The following GPHN variants were observed in gnomAD, a reference collection of about 807,000 sequenced individuals.
GPHN encodes gephyrin.
Under a neutral mutation model 95.5 loss-of-function variants are expected in GPHN, and 17 were observed. The ratio of observed to expected loss-of-function variants is 0.18; its 90% CI spans 0.12 to 0.27. The LOEUF is 0.27. Among genes scored for constraint, GPHN ranks in the 10% least tolerant of loss-of-function variants. The pLI is 1.00. For synonymous variants in GPHN, 320 were observed against 322.5 expected, an observed-to-expected ratio of 0.99 and a Z score of 0.08; for missense variants, 660 against 978.1, an observed-to-expected ratio of 0.67 and a Z score of 4.34.
chr14:66,948,886 C>T (rs1392925894), intron 8 of GPHN, among the ~76,000 whole-genome samples: 1 of 152,194 alleles, frequency 6.6e-6, no homozygotes, highest in Non-Finnish European at 1.5e-5. Flanking sequence ...TATCCTCCAC[C>T]TCCTGGGCTC....
At chr14:67,053,360 C>G (rs2075401682) in intron 10 of GPHN, among the ~76,000 whole-genome samples, 1 of 151,928 alleles carries the variant, frequency 6.6e-6, no homozygotes, top group Admixed American at 6.6e-5. Flanking sequence ...ACTAGAAAAT[C>G]TAGAAGAAAT....
At chr14:67,674,125 T>C in the GPHN span, among the ~76,000 whole-genome samples, 1 of 152,206 alleles carries the variant, frequency 6.6e-6, no homozygotes, top group East Asian at 1.9e-4. Flanking sequence ...TCTGCTCTAT[T>C]TGCCACAGTG....
At chr14:66,564,108 A>C (rs1166568609) in intron 1 of GPHN, among the ~76,000 whole-genome samples, 15 of 152,092 alleles carry the variant, frequency 9.9e-5, no homozygotes, top group Admixed American at 9.8e-4. Flanking sequence ...TCTCTATGTA[A>C]ATGTGATTCC....
chr14:67,350,479 G>T, the GPHN span: 5 of 692,432 alleles, frequency 7.2e-6, no homozygotes, highest in Admixed American at 1.3e-4. Flanking sequence ...GGGGTTAAAA[G>T]AATTCTTTCT....
At chr14:67,544,741 AT>A in the GPHN span, among the ~76,000 whole-genome samples, 1 of 152,252 alleles carries the variant, frequency 6.6e-6, no homozygotes, top group African/African-American at 2.4e-5. Context: ...AAATGTATTA[AT>A]GGATAGATTA....
intron 2 of GPHN, among the ~76,000 whole-genome samples, chr14:66,693,795 A>G (rs2067943461): frequency 6.6e-6 from 1 of 152,218 alleles, no homozygotes; most frequent in South Asian, 2.1e-4. Context: ...AAAATTAATC[A>G]TCATAATAAG....
chr14:67,377,828 C>T, the GPHN span, among the ~76,000 whole-genome samples: 3 of 152,024 alleles, frequency 2.0e-5, no homozygotes, highest in Admixed American at 1.3e-4. Flanking sequence ...CCACACTTGG[C>T]TATGTGTGGT....
At chr14:67,422,885 A>G in the GPHN span, among the ~76,000 whole-genome samples, 7 of 140,000 alleles carry the variant, frequency 5.0e-5, no homozygotes, top group South Asian at 1.6e-3. Context: ...AGGCTGGAGT[A>G]CAATGGTGCA....
chr14:67,030,903 C>T (rs2074162092), intron 10 of GPHN, among the ~76,000 whole-genome samples: 1 of 152,088 alleles, frequency 6.6e-6, no homozygotes, highest in Non-Finnish European at 1.5e-5. Context: ...AAGCAAAAGA[C>T]AGCAGAATTG....
chr14:67,446,824 G>A, the GPHN span, among the ~76,000 whole-genome samples: 1 of 152,198 alleles, frequency 6.6e-6, no homozygotes, highest in Admixed American at 6.5e-5. Context: ...ACTAGACCAG[G>A]GGTTGGCGAA....
At chr14:66,877,093 C>T (rs536006019) in intron 4 of GPHN, among the ~76,000 whole-genome samples, 1 of 152,184 alleles carries the variant, frequency 6.6e-6, no homozygotes, top group Non-Finnish European at 1.5e-5. Context: ...ATATGCAAAT[C>T]AGTAAACATA....
intron 1 of GPHN, among the ~76,000 whole-genome samples, chr14:66,562,296 A>G (rs973294067): frequency 2.0e-5 from 3 of 152,186 alleles, no homozygotes; most frequent in African/African-American, 7.2e-5. Flanking sequence ...TGTATACTTG[A>G]AAATTATTCA....
At chr14:67,144,250 A>AAAAAAT (rs1168342196) in intron 18 of GPHN, among the ~76,000 whole-genome samples, 6 of 57,772 alleles carry the variant, frequency 1.0e-4, no homozygotes, top group Non-Finnish European at 1.4e-4. Context: ...AAAAAAAAAA[A>AAAAAAT]ATATATATAT....
chr14:66,815,695 C>G (rs1384965461), intron 3 of GPHN, among the ~76,000 whole-genome samples: 1 of 152,156 alleles, frequency 6.6e-6, no homozygotes, highest in East Asian at 1.9e-4. Flanking sequence ...CCATTACCAG[C>G]CACTACAAAA....
chr14:67,407,151 T>G, the GPHN span, among the ~76,000 whole-genome samples: 2 of 152,232 alleles, frequency 1.3e-5, no homozygotes, highest in African/African-American at 4.8e-5. Context: ...AGACGGAGTC[T>G]TGCACTGTCG....
At position 67,021,234 on chromosome 14, in the gene GPHN, C is replaced by A. The variant is rs114055558; in HGVS notation, c.964-2399C>A. Among the ~76,000 whole-genome samples the A allele has an allele frequency of 6.6e-3, 1,007 of 152,222 alleles. 15 individuals carry two copies. Among genetic ancestry groups the A allele is most frequent in the African/African-American group, 0.023 (958 of 41,570 alleles). On this transcript the variant is annotated intron_variant, in intron 9 of 22. Coordinates refer to ENST00000478722, the MANE Select transcript of GPHN (RefSeq NM_020806.5). ...TGATTGATTGATTTATACACACACACATACTCAAGATCACTAAAGGAATTC... is the reference window on the plus strand; with the variant it reads ...TGATTGATTGATTTATACACACACAAATACTCAAGATCACTAAAGGAATTC...
chr14:67,204,986 GA>G, the GPHN span: 1 of 1,571,612 alleles, frequency 6.4e-7, no homozygotes, highest in African/African-American at 1.4e-5. Context: ...ATAGAAGTCA[GA>G]GAAGCCACGG....
At chr14:67,032,294 G>A (rs1268132132) in intron 10 of GPHN, among the ~76,000 whole-genome samples, 2 of 152,274 alleles carry the variant, frequency 1.3e-5, no homozygotes, top group East Asian at 3.9e-4. Flanking sequence ...ATGCCTGAGG[G>A]CTACTGAAAG....
At chr14:67,207,187 A>G in the GPHN span, among the ~76,000 whole-genome samples, 1 of 152,102 alleles carries the variant, frequency 6.6e-6, no homozygotes, top group Non-Finnish European at 1.5e-5. Context: ...AGGCTGGGCA[A>G]TTAATAAAGA....
Sources: allele counts gnomAD v4.1 joint callset (sites outside exome capture counted in the v4.1 genomes callset), GRCh38; gene constraint gnomAD v4.1.1; transcripts MANE v1.5; gene names NCBI Gene and HGNC (gene_info 2026-07-23, HGNC 2026-07-21).